The following METTL2B variants were observed in gnomAD, a reference collection of about 807,000 sequenced individuals.
The protein encoded by METTL2B is methyltransferase 2B, tRNA N3-cytidine.
METTL2B carries 28 observed loss-of-function variants against 51.0 expected under a neutral mutation model. The observed-to-expected ratio is 0.55, with a 90% confidence interval of 0.41 to 0.75. METTL2B has a LOEUF of 0.75. METTL2B is among the 30% of genes least tolerant of loss of function. The probability of loss-of-function intolerance (pLI) is 0.00; values close to 1 mark genes in which losing one functional copy is unlikely to be tolerated. For synonymous variants in METTL2B, 128 were observed against 166.3 expected (o/e 0.77, Z 1.77); for missense variants, 313 against 460.7 (o/e 0.68, Z 2.93).
At chr7:128,485,998 TAAA>T (rs1321442189) in intron 4 of METTL2B, among the ~76,000 whole-genome samples, 1 of 151,930 alleles carries the variant, frequency 6.6e-6, no homozygotes, top group African/African-American at 2.4e-5. Flanking sequence ...GTAGAAAACT[TAAA>T]GAAAAGCACA....
intron 4 of METTL2B, among the ~76,000 whole-genome samples, chr7:128,485,721 C>T (rs1185952271): frequency 2.7e-5 from 4 of 150,814 alleles, no homozygotes; most frequent in Admixed American, 2.6e-4. Context: ...GTCTCAGCTA[C>T]TTTGGAGGCT....
In METTL2B at chr7:128,498,054, C is replaced by G. The variant is rs372796185; in HGVS notation, c.828C>G (p.Asn276Lys). The change falls in exon 7 of 9, where the codon AAC (asparagine) becomes AAG (lysine). Residue 276 changes from asparagine to lysine, a missense_variant. By Grantham distance (94) the Asn-to-Lys change is moderately conservative. Coordinates refer to ENST00000262432, the MANE Select transcript of METTL2B (RefSeq NM_018396.3). ...VVPDKMQKAI[N>K]RLSRLLKPGG... is the part of the protein sequence containing the mutation. ...TCCACAGGATGCAGAAGGCTATCAA[C>G]AGGCTGAGCAGGCTTCTGAAACCTG... 11 of 1,613,790 alleles carry G rather than the reference C, an allele frequency of 6.8e-6. No homozygotes were observed. The highest frequency in any genetic ancestry group is 1.6e-4 in the Middle Eastern group (1 of 6,062).
Position 128,502,725 on chromosome 7 carries a change from C to A in METTL2B, c.*809C>A. 2.6e-6 allele frequency: 1 copy of A among 383,852 alleles called. No homozygotes were observed. Among genetic ancestry groups the A allele is most frequent in the Non-Finnish European group, 5.0e-6 (1 of 199,390 alleles). The allele number at this position is 383,852 out of a possible 1,614,324, so 23.8% of individuals were successfully genotyped here. A position where few individuals can be genotyped will look rare whatever the true frequency, so the allele number is the denominator to read the frequency against. On this transcript the variant is annotated 3_prime_UTR_variant, in exon 9 of 9. Transcript: ENST00000262432. ...ACCAGCGTGGCCAACATGGTGAAACCCCGTCTCTACTAAAGATAAAAAAAT... is the reference window on the plus strand; with the variant it reads ...ACCAGCGTGGCCAACATGGTGAAACACCGTCTCTACTAAAGATAAAAAAAT...
rs181061800 is a variant in METTL2B, at chr7:128,492,364, G to A, written c.670-1440G>A. Among the ~76,000 whole-genome samples the A allele has an allele frequency of 2.3e-3, 350 of 151,812 alleles. 1 individual carries two copies. The highest frequency in any genetic ancestry group is 8.1e-3 in the African/African-American group (334 of 41,392). Reference sequence around the variant, plus strand: ...GTAGAGACGGGGTTTCACCATGTTGGCCAGGCTGGTTTTGAACTCCTGACC... The same window carrying A: ...GTAGAGACGGGGTTTCACCATGTTGACCAGGCTGGTTTTGAACTCCTGACC... On this transcript the variant is annotated intron_variant, in intron 5 of 8. Coordinates refer to ENST00000262432, the MANE Select transcript of METTL2B (RefSeq NM_018396.3).
In METTL2B at chr7:128,502,589, A is replaced by T. The variant is rs1033126974; in HGVS notation, c.*673A>T. Reference sequence around the variant, plus strand: ...ATGTGGTGTTCTTGTTAAGTAATTGATCGTGGTCTTTGCTTTAATCTTAGT... The same window carrying T: ...ATGTGGTGTTCTTGTTAAGTAATTGTTCGTGGTCTTTGCTTTAATCTTAGT... On this transcript the variant is annotated 3_prime_UTR_variant, in exon 9 of 9. Coordinates refer to ENST00000262432, the MANE Select transcript of METTL2B (RefSeq NM_018396.3). 6.6e-6 allele frequency: 3 copies of T among 454,184 alleles called. No individual in the cohort carries two copies. Among genetic ancestry groups the T allele is most frequent in the African/African-American group, 6.0e-5 (3 of 49,940 alleles). The allele number at this position is 454,184 out of a possible 1,614,324, so 28.1% of individuals were successfully genotyped here.
At chr7:128,500,654 T>C (rs371507371) in intron 7 of METTL2B, among the ~76,000 whole-genome samples, 1 of 60,924 alleles carries the variant, frequency 1.6e-5, no homozygotes, top group South Asian at 5.4e-4. Flanking sequence ...GTTTGTGCTG[T>C]TAGTTTAATA....
intron 2 of METTL2B, among the ~76,000 whole-genome samples, chr7:128,478,851 G>A (rs1250238360): frequency 7.2e-5 from 11 of 152,010 alleles, no homozygotes; most frequent in African/African-American, 2.4e-4. Flanking sequence ...GTGACAGAGC[G>A]AGACTCTGTC....
Position 128,488,121 on chromosome 7 carries a change from A to G in METTL2B, c.629A>G (p.Tyr210Cys). 1 of 1,610,974 alleles carries G rather than the reference A, an allele frequency of 6.2e-7. No homozygotes were observed. The highest frequency in any genetic ancestry group is 2.2e-5 in the East Asian group (1 of 44,786). ...QTNNDPGLFV[Y>C]CCDFSSTAIE... Reference sequence around the variant, plus strand: ...TTCAGTGACCCAGGACTCTTTGTTTATTGCTGTGATTTTTCTTCCACAGCT... The same window carrying G: ...TTCAGTGACCCAGGACTCTTTGTTTGTTGCTGTGATTTTTCTTCCACAGCT... The change falls in exon 5 of 9, where the codon TAT becomes TGT. Residue 210 changes from tyrosine to cysteine, a missense_variant. Coordinates refer to ENST00000262432, the MANE Select transcript of METTL2B (RefSeq NM_018396.3).
At chr7:128,484,576 T>C (rs1270475365) in intron 4 of METTL2B, among the ~76,000 whole-genome samples, 4 of 152,016 alleles carry the variant, frequency 2.6e-5, no homozygotes, top group Admixed American at 1.3e-4. Context: ...GTTTTTTTGT[T>C]TGGTTGGTTT....
chr7:128,498,037 A>G lies in METTL2B; in HGVS notation c.811A>G (p.Met271Val). ...FVLSAVVPDK[M>V]QKAINRLSRL... ...CTATAATTCCCTGTGTCTCCACAGG[A>G]TGCAGAAGGCTATCAACAGGCTGAG... is the stretch of plus-strand genomic sequence containing the variant. The change falls in exon 7 of 9, where the codon ATG becomes GTG. Residue 271 changes from methionine to valine, a missense_variant and splice_region_variant. Coordinates refer to ENST00000262432, the MANE Select transcript of METTL2B (RefSeq NM_018396.3). The G allele has an allele frequency of 6.2e-7, 1 of 1,613,656 alleles. No homozygotes were observed. Among genetic ancestry groups the G allele is most frequent in the South Asian group, 1.1e-5 (1 of 91,084 alleles).
At chr7:128,494,094 A>T in intron 6 of METTL2B, 151 bp downstream of exon 6, 1 of 1,067,046 alleles carries the variant, frequency 9.4e-7, no homozygotes, top group Non-Finnish European at 1.3e-6. Context: ...TTGAGCTTAA[A>T]TGATCCTCCC....
intron 7 of METTL2B, among the ~76,000 whole-genome samples, chr7:128,499,440 C>T (rs1792986018): frequency 6.6e-6 from 1 of 151,928 alleles, no homozygotes; most frequent in African/African-American, 2.4e-5. Flanking sequence ...GCAACCTCTG[C>T]CTCCTGGGTC....
At chr7:128,485,652 T>G (rs1358084395) in intron 4 of METTL2B, among the ~76,000 whole-genome samples, 1 of 121,768 alleles carries the variant, frequency 8.2e-6, no homozygotes, top group African/African-American at 3.3e-5. Flanking sequence ...GGCGACAGAG[T>G]GAGACTCCGT....
intron 5 of METTL2B, among the ~76,000 whole-genome samples, chr7:128,491,060 C>G (rs567062605): frequency 6.7e-6 from 1 of 148,214 alleles, no homozygotes; most frequent in South Asian, 2.1e-4. Context: ...ACTTGGGAGG[C>G]TGAAGAATCG....
intron 6 of METTL2B, among the ~76,000 whole-genome samples, chr7:128,495,039 C>G (rs1792899888): frequency 6.6e-6 from 1 of 151,418 alleles, no homozygotes; most frequent in African/African-American, 2.4e-5. Flanking sequence ...CTCAGCCTCC[C>G]AAGCAGCTGG....
At position 128,503,504 on chromosome 7, in the gene METTL2B, T is replaced by C. The variant is rs1029040365; in HGVS notation, c.*1588T>C. On this transcript the variant is annotated 3_prime_UTR_variant, in exon 9 of 9. Coordinates refer to ENST00000262432, the MANE Select transcript of METTL2B (RefSeq NM_018396.3). ...AGGCTGGAGTTCAGTGGTGCAATGA[T>C]AGCTCATTATCACCTCGAACTTCTG... 2.7e-5 allele frequency: 4 copies of C among 150,418 alleles called. No homozygotes were observed. Among genetic ancestry groups the C allele is most frequent in the Non-Finnish European group, 4.4e-5 (3 of 67,740 alleles). 9.3% of individuals were successfully genotyped at this position (150,418 alleles called of 1,614,324 possible).
At chr7:128,488,682 A>G (rs140279980) in intron 5 of METTL2B, 28,707 of 359,674 alleles carry the variant, frequency 0.08, 2,065 homozygotes, top group East Asian at 0.26. Context: ...GCCACTTCAT[A>G]CTCTACAGTG....
rs1004209271 is a variant in METTL2B, at chr7:128,505,811, G to A, written c.*3895G>A. 6 of 152,026 alleles carry A rather than the reference G, an allele frequency of 3.9e-5. No individual in the cohort carries two copies. Among genetic ancestry groups the A allele is most frequent in the Admixed American group, 3.3e-4 (5 of 15,224 alleles). The allele number at this position is 152,026 out of a possible 1,614,324, so 9.4% of individuals were successfully genotyped here. On this transcript the variant is annotated 3_prime_UTR_variant, in exon 9 of 9. Transcript: ENST00000262432. ...TTACTTGTCTCAATATGGACCCATG[G>A]GTATTTGAGTTTCTTGTGGGGTTAT...
At chr7:128,486,293 CA>C (rs200018421) in intron 4 of METTL2B, among the ~76,000 whole-genome samples, 11 of 144,928 alleles carry the variant, frequency 7.6e-5, no homozygotes, top group Admixed American at 6.9e-5. Flanking sequence ...AACTCCGTCT[CA>C]AAAAAAAAAG....
Sources: gnomAD v4.1 joint callset for allele counts (sites outside exome capture counted in the v4.1 genomes callset) on GRCh38, gnomAD v4.1.1 for gene constraint, MANE v1.5 for transcripts, NCBI Gene and HGNC (gene_info 2026-07-23, HGNC 2026-07-21) for gene names.